Variants in PRKD1 observed in about 807,000 individuals in gnomAD.
PRKD1 encodes the protein protein kinase D1, also known as serine/threonine-protein kinase D1.
A neutral mutation model predicts 95.9 loss-of-function variants in PRKD1; 63 were observed. The ratio of observed to expected loss-of-function variants is 0.66; its 90% CI spans 0.54 to 0.81. The LOEUF (loss-of-function observed/expected upper bound fraction) is 0.81. Among genes scored for constraint, PRKD1 ranks in the 30% least tolerant of loss-of-function variants. PRKD1 has a pLI of 0.00. For synonymous variants in PRKD1, 425 were observed against 423.1 expected, an observed-to-expected ratio of 1.00 and a Z score of -0.05; for missense variants, 1,048 against 1,165.3, an observed-to-expected ratio of 0.90 and a Z score of 1.47.
At chr14:29,624,611 T>C (rs1879493947) in intron 12 of PRKD1, among the ~76,000 whole-genome samples, 1 of 152,148 alleles carries the variant, frequency 6.6e-6, no homozygotes, top group Non-Finnish European at 1.5e-5. Context: ...TTAGAAAGTA[T>C]AATTTTAAAG....
At chr14:29,636,172 T>A (rs888051443) in intron 7 of PRKD1, 118 bp downstream of exon 7, 2 of 1,249,074 alleles carry the variant, frequency 1.6e-6, no homozygotes, top group African/African-American at 1.5e-5. Context: ...TTCATTCATA[T>A]AAAAGTAAAC....
intron 2 of PRKD1, among the ~76,000 whole-genome samples, chr14:29,685,410 T>C (rs1032949305): frequency 1.3e-5 from 2 of 152,308 alleles, no homozygotes; most frequent in East Asian, 1.9e-4. Context: ...AGGGATAGAA[T>C]AGCACATTGA....
At chr14:29,605,003 C>T (rs1299622298) in intron 13 of PRKD1, among the ~76,000 whole-genome samples, 4 of 152,134 alleles carry the variant, frequency 2.6e-5, no homozygotes, top group Non-Finnish European at 4.4e-5. Flanking sequence ...ATCCTAAATG[C>T]TAACTTCTCT....
At chr14:29,841,833 TTGACTC>T (rs1170463690) in intron 1 of PRKD1, among the ~76,000 whole-genome samples, 2 of 152,052 alleles carry the variant, frequency 1.3e-5, no homozygotes, top group Admixed American at 1.3e-4. Flanking sequence ...TTAAAACTTT[TTGACTC>T]TGTAATAACA....
chr14:29,664,291 G>T (rs552735977), intron 3 of PRKD1, among the ~76,000 whole-genome samples: 3 of 152,184 alleles, frequency 2.0e-5, no homozygotes, highest in African/African-American at 7.2e-5. Context: ...ACATGGCCTG[G>T]AACAAAGTTT....
At chr14:29,623,518 C>A in intron 13 of PRKD1, among the ~76,000 whole-genome samples, 1 of 152,094 alleles carries the variant, frequency 6.6e-6, no homozygotes, top group South Asian at 2.1e-4. Flanking sequence ...GACTAGATAG[C>A]CATGATGACT....
At chr14:29,859,607 CAAAAA>C (rs60316151) in intron 1 of PRKD1, among the ~76,000 whole-genome samples, 1 of 124,576 alleles carries the variant, frequency 8.0e-6, no homozygotes. Context: ...GACTCTGTCT[CAAAAA>C]AAAAAAAAAA....
chr14:29,877,494 T>C (rs1318185540), intron 1 of PRKD1, among the ~76,000 whole-genome samples: 1 of 152,216 alleles, frequency 6.6e-6, no homozygotes, highest in Non-Finnish European at 1.5e-5. Flanking sequence ...TAAGTTTAAT[T>C]AGATCCCACC....
chr14:29,630,805 G>T lies in PRKD1; in HGVS notation c.1609C>A (p.Gln537Lys), dbSNP rs199654740. The T allele has an allele frequency of 8.1e-6, 13 of 1,614,098 alleles. No individual in the cohort carries two copies. In the East Asian group the frequency reaches 2.7e-4, roughly 33 times the overall value. The change falls in exon 10 of 18, where the codon CAG (glutamine) becomes AAG (lysine). Residue 537 changes from glutamine (Q) to lysine (K), a missense_variant. By Grantham distance (53) the Gln-to-Lys change is moderately conservative. Around this residue, in one of 3 missense-constraint regions of PRKD1, gnomAD observed 739 missense variants for 861.9 expected, o/e 0.86. Transcript: ENST00000331968. ...GGAATGACGGGCATAAGGGCATGCT[G>T]GATGGCTATCTCCCACATCCTGGCC... is the stretch of plus-strand genomic sequence containing the variant. ...DVARMWEIAI[Q>K]HALMPVIPKG...
chr14:29,675,947 G>A (rs1223365094), intron 2 of PRKD1, among the ~76,000 whole-genome samples: 2 of 137,766 alleles, frequency 1.5e-5, no homozygotes, highest in Non-Finnish European at 3.1e-5. Flanking sequence ...CTTGGACACA[G>A]GAAGGGGAAC....
intron 1 of PRKD1, among the ~76,000 whole-genome samples, chr14:29,888,443 G>A (rs750301937): frequency 1.3e-5 from 2 of 152,118 alleles, no homozygotes; most frequent in Non-Finnish European, 1.5e-5. Context: ...ACTTGTATAC[G>A]GAATGGCTGG....
At chr14:29,737,148 C>A (rs1566570881) in intron 1 of PRKD1, among the ~76,000 whole-genome samples, 1 of 150,274 alleles carries the variant, frequency 6.7e-6, no homozygotes, top group Non-Finnish European at 1.5e-5. Flanking sequence ...AGGTGAAACC[C>A]CGTCTCTACT....
chr14:29,660,233 C>T (rs927572848), intron 4 of PRKD1, among the ~76,000 whole-genome samples: 2 of 152,168 alleles, frequency 1.3e-5, no homozygotes, highest in East Asian at 1.9e-4. Flanking sequence ...ACATAGTTTC[C>T]GGACTCTATT....
chr14:29,715,177 A>G (rs986212433), intron 2 of PRKD1, among the ~76,000 whole-genome samples: 5 of 152,158 alleles, frequency 3.3e-5, no homozygotes, highest in Non-Finnish European at 7.4e-5. Context: ...TATTCATAAC[A>G]TCATTCAATA....
intron 1 of PRKD1, among the ~76,000 whole-genome samples, chr14:29,823,536 A>T (rs1890998750): frequency 6.6e-6 from 1 of 152,190 alleles, no homozygotes; most frequent in African/African-American, 2.4e-5. Flanking sequence ...AAATGACAGA[A>T]TCATTGAATG....
intron 1 of PRKD1, among the ~76,000 whole-genome samples, chr14:29,789,879 A>G (rs1198777305): frequency 6.6e-6 from 1 of 152,132 alleles, no homozygotes; most frequent in East Asian, 1.9e-4. Context: ...AGGCTCCCTG[A>G]TAGTGTATGC....
intron 1 of PRKD1, among the ~76,000 whole-genome samples, chr14:29,877,055 G>A (rs950433500): frequency 6.6e-6 from 1 of 152,212 alleles, no homozygotes; most frequent in Admixed American, 6.5e-5. Flanking sequence ...GCGAGGCTTA[G>A]GCAGGAGAAT....
In PRKD1 at chr14:29,690,212, C is replaced by T. The variant is rs146626619; in HGVS notation, c.404-24004G>A. ...ATCCACTCCCATGGTTTAATTATTC[C>T]GTGAATGTTTATACTCCCCAAGTCC... On this transcript the variant is annotated intron_variant, in intron 2 of 17. Transcript: ENST00000331968. Among the ~76,000 whole-genome samples the T allele has an allele frequency of 6.1e-4, 93 of 152,210 alleles. 2 individuals carry two copies. Among genetic ancestry groups the T allele is most frequent in the African/African-American group, 2.1e-3 (86 of 41,530 alleles).
At chr14:29,680,423 G>A (rs377113477) in intron 2 of PRKD1, among the ~76,000 whole-genome samples, 145 of 152,094 alleles carry the variant, frequency 9.5e-4, no homozygotes, top group African/African-American at 3.3e-3. Context: ...TAAGAACCCC[G>A]GATGGTTAAA....
Sources: allele counts gnomAD v4.1 joint callset (sites outside exome capture counted in the v4.1 genomes callset), GRCh38; gene constraint gnomAD v4.1.1; regional missense constraint gnomAD v4.1.1; transcripts MANE v1.5; gene names NCBI Gene and HGNC (gene_info 2026-07-23, HGNC 2026-07-21).